KLHL1: variants seen among roughly 807,000 people sequenced by gnomAD.
The protein encoded by KLHL1 is kelch-like protein 1.
In KLHL1, 47 loss-of-function variants were observed where a neutral mutation model predicts 77.7. The ratio of observed to expected loss-of-function variants is 0.60; its 90% CI spans 0.48 to 0.77. The LOEUF is 0.77. Ranked by LOEUF, KLHL1 falls within the 30% of genes least tolerant of loss-of-function variation. The probability of loss-of-function intolerance (pLI) is 0.00; values close to 1 mark genes in which losing one functional copy is unlikely to be tolerated. For synonymous variants in KLHL1, 360 were observed against 325.2 expected (o/e 1.11, Z -1.15); for missense variants, 925 against 910.8 (o/e 1.02, Z -0.20).
intron 1 of KLHL1, among the ~76,000 whole-genome samples, chr13:70,060,417 T>C (rs1237580168): frequency 6.6e-6 from 1 of 151,996 alleles, no homozygotes; most frequent in African/African-American, 2.4e-5. Flanking sequence ...CTGCCAGATA[T>C]GTAACAAAAA....
At chr13:69,940,257 T>C in intron 3 of KLHL1, 21 bp from the exon 4 acceptor site, 1 of 1,561,744 alleles carries the variant, frequency 6.4e-7, no homozygotes, top group Non-Finnish European at 8.7e-7. Flanking sequence ...GCAAAGATAA[T>C]TATGAAACTC....
rs61964160 is a variant in KLHL1 at position 69,934,964 on chromosome 13, A to G, written c.1014+5076T>C. 2.4e-3 allele frequency among the ~76,000 whole-genome samples: 85 copies of G among 35,312 alleles called. 1 individual carries two copies. The highest frequency in any genetic ancestry group is 1.2e-3 in the African/African-American group (17 of 13,740). The allele number at this position is 35,312 out of a possible 152,430, so 23.2% of individuals were successfully genotyped here. A position where few individuals can be genotyped will look rare whatever the true frequency, so the allele number is the denominator to read the frequency against. ...ATTTACCGTGTGTGTGTGCATGTGT[A>G]TATATATATATATATATATATATAT... On this transcript the variant is annotated intron_variant, in intron 4 of 10. Coordinates refer to ENST00000377844, the MANE Select transcript of KLHL1 (RefSeq NM_020866.3).
intron 1 of KLHL1, among the ~76,000 whole-genome samples, chr13:70,046,572 G>A (rs1362137843): frequency 6.6e-6 from 1 of 152,094 alleles, no homozygotes; most frequent in Non-Finnish European, 1.5e-5. Flanking sequence ...ATTGCAACCT[G>A]CGCCTCCCAG....
chr13:69,780,715 T>TATATATATATATAA (rs1566243724), intron 7 of KLHL1, among the ~76,000 whole-genome samples: 1 of 27,792 alleles, frequency 3.6e-5, no homozygotes, highest in Non-Finnish European at 6.0e-5. Flanking sequence ...TATATATATA[T>TATATATATATATAA]GTATATATAT....
At chr13:69,996,838 G>A (rs1354572414) in intron 1 of KLHL1, among the ~76,000 whole-genome samples, 1 of 150,914 alleles carries the variant, frequency 6.6e-6, no homozygotes, top group East Asian at 1.9e-4. Flanking sequence ...TATGACATTG[G>A]TGAAAGTAAG....
chr13:69,751,122 GT>G (rs1874460439), intron 7 of KLHL1, among the ~76,000 whole-genome samples: 1 of 149,562 alleles, frequency 6.7e-6, no homozygotes. Flanking sequence ...ATGTGTGTGT[GT>G]GTGTGTGTGT....
At chr13:69,994,759 G>A (rs78948043) in intron 1 of KLHL1, among the ~76,000 whole-genome samples, 2 of 152,000 alleles carry the variant, frequency 1.3e-5, no homozygotes, top group East Asian at 1.9e-4. Flanking sequence ...TCTATTAATC[G>A]GAGTTCTAGA....
intron 1 of KLHL1, among the ~76,000 whole-genome samples, chr13:69,977,357 A>G (rs1341400783): frequency 2.6e-5 from 4 of 152,098 alleles, no homozygotes; most frequent in African/African-American, 4.8e-5. Context: ...ATCAAATGGA[A>G]ACAAATAAGG....
intron 1 of KLHL1, among the ~76,000 whole-genome samples, chr13:70,014,135 C>G (rs570401380): frequency 6.6e-6 from 1 of 152,124 alleles, no homozygotes; most frequent in Non-Finnish European, 1.5e-5. Context: ...CTATGCTTCT[C>G]AGGTACTTAT....
intron 6 of KLHL1, among the ~76,000 whole-genome samples, chr13:69,804,159 T>C (rs1028601083): frequency 6.6e-6 from 1 of 152,164 alleles, no homozygotes. Context: ...ATAATACAAA[T>C]ACAAAACTAC....
chr13:69,783,428 C>CA (rs1234076677), intron 7 of KLHL1, among the ~76,000 whole-genome samples: 2 of 151,872 alleles, frequency 1.3e-5, no homozygotes, highest in Non-Finnish European at 2.9e-5. Flanking sequence ...ATACTGTGAA[C>CA]AAAAAATTAG....
intron 6 of KLHL1, among the ~76,000 whole-genome samples, chr13:69,823,863 A>G (rs1878440336): frequency 6.6e-6 from 1 of 151,882 alleles, no homozygotes; most frequent in Non-Finnish European, 1.5e-5. Context: ...TAATGTGTAT[A>G]GTTGATATGA....
intron 4 of KLHL1, among the ~76,000 whole-genome samples, chr13:69,903,317 G>T (rs1881934109): frequency 1.3e-5 from 2 of 152,118 alleles, no homozygotes; most frequent in South Asian, 4.1e-4. Context: ...GAGATTTCTG[G>T]TTCGAGGCTT....
intron 1 of KLHL1, among the ~76,000 whole-genome samples, chr13:70,061,094 G>C (rs1175075868): frequency 2.0e-5 from 3 of 152,044 alleles, no homozygotes; most frequent in Non-Finnish European, 4.4e-5. Flanking sequence ...CACTGGGGGA[G>C]GGAGAAGTGA....
chr13:69,705,526 G>C (rs1875584785), intron 10 of KLHL1, among the ~76,000 whole-genome samples: 1 of 151,644 alleles, frequency 6.6e-6, no homozygotes, highest in Admixed American at 6.6e-5. Context: ...CATATGGAGT[G>C]AAAGTGACAG....
intron 2 of KLHL1, among the ~76,000 whole-genome samples, chr13:69,969,823 A>G (rs150738977): frequency 1.8e-4 from 27 of 152,306 alleles, no homozygotes; most frequent in African/African-American, 5.1e-4. Context: ...ATTTAGTTCT[A>G]TTAATGCTAG....
intron 1 of KLHL1, among the ~76,000 whole-genome samples, chr13:70,065,421 AG>A (rs1886984136): frequency 1.3e-5 from 2 of 152,176 alleles, no homozygotes; most frequent in South Asian, 2.1e-4. Flanking sequence ...GAGACATATT[AG>A]GGAAAGCACA....
At chr13:69,892,630 G>T (rs1220844731) in intron 4 of KLHL1, among the ~76,000 whole-genome samples, 10 of 152,032 alleles carry the variant, frequency 6.6e-5, no homozygotes, top group Admixed American at 5.2e-4. Flanking sequence ...AATTTTCCAG[G>T]AACTAAAGAA....
chr13:69,914,375 T>C (rs1253583781), intron 4 of KLHL1, among the ~76,000 whole-genome samples: 3 of 152,182 alleles, frequency 2.0e-5, no homozygotes, highest in Non-Finnish European at 4.4e-5. Flanking sequence ...GTGATTTCCA[T>C]GGATCCATTT....
Sources: allele counts gnomAD v4.1 joint callset (sites outside exome capture counted in the v4.1 genomes callset), GRCh38; gene constraint gnomAD v4.1.1; transcripts MANE v1.5; gene names NCBI Gene and HGNC (gene_info 2026-07-23, HGNC 2026-07-21).